The following C14orf132 variants were observed in gnomAD, a reference collection of about 807,000 sequenced individuals.
C14orf132 encodes the protein uncharacterized protein C14orf132.
A neutral mutation model predicts 5.8 loss-of-function variants in C14orf132; 6 were observed. That is an observed-to-expected ratio of 1.03 (90% CI 0.57 to 2.04). C14orf132 has a LOEUF of 2.04. Among genes scored for constraint, C14orf132 ranks in the 30% most tolerant of loss-of-function variants. C14orf132 has a pLI of 0.00. For synonymous variants in C14orf132, 51 were observed against 49.8 expected (o/e 1.02, Z -0.10); for missense variants, 125 against 115.8 (o/e 1.08, Z -0.37).
intron 1 of C14orf132, among the ~76,000 whole-genome samples, chr14:96,049,628 ATACATATATAC>A (rs1886963771): frequency 1.1e-4 from 10 of 90,908 alleles, no homozygotes; most frequent in African/African-American, 5.8e-4. Context: ...ACGTATATAT[ATACATATATAC>A]GTATATATAT....
chr14:96,051,162 A>G (rs956744750), intron 1 of C14orf132: 2 of 398,522 alleles, frequency 5.0e-6, no homozygotes, highest in Non-Finnish European at 8.8e-6. Flanking sequence ...AGGATGCCAA[A>G]TCATGCATGG....
chr14:96,067,018 C>T (rs1325058256), intron 1 of C14orf132, among the ~76,000 whole-genome samples: 1 of 152,146 alleles, frequency 6.6e-6, no homozygotes, highest in Non-Finnish European at 1.5e-5. Flanking sequence ...GAGCTCCAAA[C>T]CTCTATCTCA....
chr14:96,062,886 A>G (rs957997729), intron 1 of C14orf132, among the ~76,000 whole-genome samples: 4 of 152,108 alleles, frequency 2.6e-5, no homozygotes, highest in Non-Finnish European at 4.4e-5. Flanking sequence ...CAGGTTACTT[A>G]TGGAGCATAA....
intron 1 of C14orf132, among the ~76,000 whole-genome samples, chr14:96,040,983 G>T (rs1157767095): frequency 6.6e-6 from 1 of 152,202 alleles, no homozygotes; most frequent in Non-Finnish European, 1.5e-5. Flanking sequence ...CCCTGGAGCT[G>T]GCTGGAGCAT....
chr14:96,056,374 T>C (rs1176222835), intron 1 of C14orf132, among the ~76,000 whole-genome samples: 1 of 152,188 alleles, frequency 6.6e-6, no homozygotes, highest in African/African-American at 2.4e-5. Flanking sequence ...AATACTGCTC[T>C]CACATTGTGC....
chr14:96,061,167 C>T (rs954013135), intron 1 of C14orf132, among the ~76,000 whole-genome samples: 2 of 152,158 alleles, frequency 1.3e-5, no homozygotes, highest in Non-Finnish European at 2.9e-5. Flanking sequence ...CTTCTGTCAG[C>T]TCAAGAAGTC....
chr14:96,076,328 G>T (rs964998975), intron 1 of C14orf132, among the ~76,000 whole-genome samples: 20 of 152,228 alleles, frequency 1.3e-4, no homozygotes, highest in African/African-American at 4.1e-4. Flanking sequence ...GCTCAGCCTG[G>T]CGAGAGGTTT....
intron 1 of C14orf132, among the ~76,000 whole-genome samples, chr14:96,060,032 C>T (rs1015386186): frequency 6.6e-6 from 1 of 152,190 alleles, no homozygotes; most frequent in Admixed American, 6.5e-5. Context: ...GGGATGCCCC[C>T]CTCCCCTCCT....
intron 1 of C14orf132, chr14:96,040,449 A>G (rs1886661164): frequency 7.6e-6 from 3 of 392,386 alleles, no homozygotes; most frequent in Admixed American, 4.5e-5. Flanking sequence ...AGAGGTCGGG[A>G]GGCCACCCAG....
chr14:96,062,587 C>A (rs1457273855), intron 1 of C14orf132, among the ~76,000 whole-genome samples: 1 of 152,148 alleles, frequency 6.6e-6, no homozygotes, highest in Non-Finnish European at 1.5e-5. Flanking sequence ...GCATTTCCTG[C>A]CTCTTAGGAA....
chr14:96,090,143 G>T lies in C14orf132; in HGVS notation c.*3408G>T, dbSNP rs983265647. The T allele has an allele frequency of 6.3e-5, 10 of 159,724 alleles. No individual in the cohort carries two copies. The South Asian group carries it at 1.9e-3, about 30-fold the overall frequency. The allele number at this position is 159,724 out of a possible 1,614,324, so 9.9% of individuals were successfully genotyped here. On this transcript the variant is annotated 3_prime_UTR_variant, in exon 2 of 2. Transcript: ENST00000555004. ...AGGCTGGGTGCAGTGACTCACACCC[G>T]TAATCCCGGCACTTTGGGAGGCCGA... is the stretch of plus-strand genomic sequence containing the variant.
intron 1 of C14orf132, among the ~76,000 whole-genome samples, chr14:96,074,870 TC>T (rs200031023): frequency 6.6e-6 from 1 of 152,088 alleles, no homozygotes; most frequent in East Asian, 1.9e-4. Context: ...AAATTTGTTT[TC>T]TTTTTCAAAA....
In C14orf132 at chr14:96,092,255, G is replaced by C. The variant is rs1050146573; in HGVS notation, c.*5520G>C. 2 of 152,228 alleles carry C rather than the reference G, an allele frequency of 1.3e-5. No homozygotes were observed. Among genetic ancestry groups the C allele is most frequent in the African/African-American group, 4.8e-5 (2 of 41,450 alleles). The allele number at this position is 152,228 out of a possible 1,614,324, so 9.4% of individuals were successfully genotyped here. A position where few individuals can be genotyped will look rare whatever the true frequency, so the allele number is the denominator to read the frequency against. On this transcript the variant is annotated 3_prime_UTR_variant, in exon 2 of 2. Coordinates refer to ENST00000555004, the MANE Select transcript of C14orf132 (RefSeq NM_001252507.3). Reference sequence around the variant, plus strand: ...GGGGGATTCTGGATGCTGGTCTTTTGACCGTGGCGGCAGCCTCGCGCCTGC... The same window carrying C: ...GGGGGATTCTGGATGCTGGTCTTTTCACCGTGGCGGCAGCCTCGCGCCTGC...
At chr14:96,081,265 G>A (rs753406596) in intron 1 of C14orf132, among the ~76,000 whole-genome samples, 5 of 152,190 alleles carry the variant, frequency 3.3e-5, no homozygotes, top group Non-Finnish European at 5.9e-5. Flanking sequence ...CCCCTAGAAA[G>A]CATTTTTCAT....
At chr14:96,080,382 C>T (rs975288070) in intron 1 of C14orf132, among the ~76,000 whole-genome samples, 16 of 152,148 alleles carry the variant, frequency 1.1e-4, no homozygotes, top group Non-Finnish European at 1.3e-4. Flanking sequence ...TCTAACTGTT[C>T]GAGGCCAGGT....
chr14:96,085,339 C>T (rs1380615257), intron 1 of C14orf132, among the ~76,000 whole-genome samples: 1 of 152,154 alleles, frequency 6.6e-6, no homozygotes, highest in African/African-American at 2.4e-5. Context: ...GATTATGGGC[C>T]AAATAGGTGT....
chr14:96,064,513 A>T (rs552883771), intron 1 of C14orf132, among the ~76,000 whole-genome samples: 1 of 151,960 alleles, frequency 6.6e-6, no homozygotes, highest in South Asian at 2.1e-4. Flanking sequence ...GAATGAATTA[A>T]TAGCATTTGC....
intron 1 of C14orf132, among the ~76,000 whole-genome samples, chr14:96,055,928 C>T (rs868823940): frequency 2.2e-4 from 33 of 152,304 alleles, no homozygotes; most frequent in South Asian, 1.9e-3. Context: ...TCTCAGAGCC[C>T]GGGTCGCACC....
chr14:96,046,511 C>T (rs942946113), intron 1 of C14orf132, among the ~76,000 whole-genome samples: 8 of 152,192 alleles, frequency 5.3e-5, no homozygotes, highest in Non-Finnish European at 8.8e-5. Flanking sequence ...CCATTTTTGA[C>T]CTATCAAATG....
Sources: gnomAD v4.1 joint callset for allele counts (sites outside exome capture counted in the v4.1 genomes callset) on GRCh38, gnomAD v4.1.1 for gene constraint, MANE v1.5 for transcripts, NCBI Gene and HGNC (gene_info 2026-07-23, HGNC 2026-07-21) for gene names.